Variants in HECTD2 observed in about 807,000 individuals in gnomAD.
HECTD2 encodes probable E3 ubiquitin-protein ligase HECTD2.
Under a neutral mutation model 103.2 loss-of-function variants are expected in HECTD2, and 35 were observed. That is an observed-to-expected ratio of 0.34 (90% CI 0.26 to 0.45). The LOEUF (loss-of-function observed/expected upper bound fraction) is 0.45, where lower values mean the gene tolerates loss of function less well. HECTD2 is among the 20% of genes least tolerant of loss of function. The pLI is 1.00. For synonymous variants in HECTD2, 281 were observed against 329.9 expected (o/e 0.85, Z 1.61); for missense variants, 596 against 937.4 (o/e 0.64, Z 4.76).
At chr10:91,491,113 T>C (rs1846462254) in intron 11 of HECTD2, 87 bp from the exon 12 acceptor site, 1 of 629,922 alleles carries the variant, frequency 1.6e-6, no homozygotes, top group Non-Finnish European at 2.8e-6. Flanking sequence ...TAGATAATAA[T>C]TGTTATTTTT....
Position 91,487,779 on chromosome 10 carries a change from G to A in HECTD2, c.1191+1G>A. 1 of 1,558,874 alleles carries A rather than the reference G, an allele frequency of 6.4e-7. No individual in the cohort carries two copies. Among genetic ancestry groups the A allele is most frequent in the Non-Finnish European group, 8.8e-7 (1 of 1,134,042 alleles). On this transcript the variant is annotated splice_donor_variant, in intron 11 of 20. Coordinates refer to ENST00000298068, the MANE Select transcript of HECTD2 (RefSeq NM_182765.6). LOFTEE classifies it high-confidence loss of function. The surrounding 1 kb of genome is among the most constrained non-coding windows in gnomAD (Gnocchi z 4.1). ...GCAACAGATGATAAACATCGCAAGG[G>A]TAAGTCAGCTATAAAAACATATTTA...
chr10:91,437,650 T>G (rs1844184193), intron 2 of HECTD2, among the ~76,000 whole-genome samples: 1 of 151,186 alleles, frequency 6.6e-6, no homozygotes, highest in South Asian at 2.1e-4. Context: ...GTTGTTTTGT[T>G]TTTTTTGTTG....
At chr10:91,441,898 T>C (rs1312691882) in intron 2 of HECTD2, among the ~76,000 whole-genome samples, 1 of 135,856 alleles carries the variant, frequency 7.4e-6, no homozygotes, top group African/African-American at 3.4e-5. Context: ...TTTTTTTTTT[T>C]TTTTTTTTTC....
At chr10:91,455,311 C>T (rs1475621371) in intron 2 of HECTD2, among the ~76,000 whole-genome samples, 1 of 152,174 alleles carries the variant, frequency 6.6e-6, no homozygotes, top group Non-Finnish European at 1.5e-5. Context: ...TTGCATTTCT[C>T]TGATGGCCAA....
chr10:91,473,936 AG>A, intron 5 of HECTD2, among the ~76,000 whole-genome samples: 1 of 152,238 alleles, frequency 6.6e-6, no homozygotes, highest in East Asian at 1.9e-4. Flanking sequence ...ATGTTGTTCA[AG>A]GGTCAACTGT....
intron 5 of HECTD2, among the ~76,000 whole-genome samples, chr10:91,467,019 A>T (rs1845553965): frequency 1.3e-5 from 2 of 151,938 alleles, no homozygotes; most frequent in South Asian, 4.2e-4. Flanking sequence ...CTCCAAGCAG[A>T]TCTTCAGAGG....
At chr10:91,409,883 C>G (rs185061189), upstream of HECTD2, among the ~76,000 whole-genome samples, 439 of 152,282 alleles carry the variant, frequency 2.9e-3, 3 homozygotes, top group African/African-American at 0.01. Context: ...CCGCGGGACT[C>G]GGCGCCGCAG....
At chr10:91,491,581 GT>G (rs1480561750) in intron 12 of HECTD2, among the ~76,000 whole-genome samples, 8 of 152,088 alleles carry the variant, frequency 5.3e-5, no homozygotes, top group African/African-American at 1.9e-4. Context: ...ACTTAAATGA[GT>G]AATTCATGTT....
At chr10:91,431,489 C>G (rs1440938854) in intron 2 of HECTD2, among the ~76,000 whole-genome samples, 2 of 152,110 alleles carry the variant, frequency 1.3e-5, no homozygotes, top group East Asian at 1.9e-4. Flanking sequence ...CAACTTGGTT[C>G]CATTCTCCCC....
intron 2 of HECTD2, among the ~76,000 whole-genome samples, chr10:91,449,401 A>T (rs1002148402): frequency 6.6e-6 from 1 of 152,180 alleles, no homozygotes; most frequent in African/African-American, 2.4e-5. Flanking sequence ...TTCTCAAAAT[A>T]ATAAGAACTA....
intron 2 of HECTD2, among the ~76,000 whole-genome samples, chr10:91,431,363 G>A (rs1843859162): frequency 1.3e-5 from 2 of 152,038 alleles, no homozygotes; most frequent in South Asian, 4.1e-4. Context: ...GTGTTTTGGA[G>A]TTGCTCTTCT....
intron 1 of HECTD2, among the ~76,000 whole-genome samples, chr10:91,413,652 T>C (rs1351517368): frequency 6.6e-6 from 1 of 152,220 alleles, no homozygotes; most frequent in African/African-American, 2.4e-5. Context: ...GGTGTAGGAA[T>C]CTGTATTTTT....
At position 91,410,471 on chromosome 10, in the gene HECTD2, C is replaced by G. The variant is rs1284306785; in HGVS notation, c.33C>G (p.Ala11=). The G allele has an allele frequency of 4.8e-6, 7 of 1,463,856 alleles. No individual in the cohort carries two copies. The highest frequency in any genetic ancestry group is 6.3e-6 in the Non-Finnish European group (7 of 1,112,160). The allele number at this position is 1,463,856 out of a possible 1,614,324, so 90.7% of individuals were successfully genotyped here. Residue 11 remains alanine, a synonymous_variant, in exon 1 of 21, where the codon GCC becomes GCG. Transcript: ENST00000298068. MSEAVRVPSP[A]TPLVVAAPAP... is the part of the protein sequence containing the mutation. Reference sequence around the variant, plus strand: ...AGGCGGTTCGGGTACCCTCGCCCGCCACTCCGCTGGTGGTGGCGGCGCCCG... The same window carrying G: ...AGGCGGTTCGGGTACCCTCGCCCGCGACTCCGCTGGTGGTGGCGGCGCCCG...
intron 2 of HECTD2, among the ~76,000 whole-genome samples, chr10:91,459,363 T>C (rs1195934551): frequency 6.6e-6 from 1 of 152,052 alleles, no homozygotes; most frequent in African/African-American, 2.4e-5. Flanking sequence ...AGGAATTATT[T>C]TACCCAATAA....
chr10:91,502,783 T>C (rs1164691852), intron 20 of HECTD2, among the ~76,000 whole-genome samples: 1 of 152,178 alleles, frequency 6.6e-6, no homozygotes, highest in Non-Finnish European at 1.5e-5. Context: ...GAGCAATCTG[T>C]TTTAATACAA....
rs939818366 is a variant in HECTD2 at position 91,449,061 on chromosome 10, G to A, written c.269-11366G>A. The stretch of plus-strand genomic sequence containing the variant: ...CATCATCCTGATACCAAAACCTGGC[G>A]GAGACACAACAAAAAAAGAAAATTT... On this transcript the variant is annotated intron_variant, in intron 2 of 20. Transcript: ENST00000298068. Among the ~76,000 whole-genome samples, 9 of 147,702 alleles carry A rather than the reference G, an allele frequency of 6.1e-5. 1 individual carries two copies. Among genetic ancestry groups the A allele is most frequent in the African/African-American group, 1.3e-4 (5 of 39,764 alleles).
chr10:91,451,916 T>C (rs1182997470), intron 2 of HECTD2, among the ~76,000 whole-genome samples: 1 of 152,132 alleles, frequency 6.6e-6, no homozygotes, highest in Non-Finnish European at 1.5e-5. Flanking sequence ...TATGTATATT[T>C]CATTATTATA....
At chr10:91,512,148 T>C (rs1158960564) in intron 20 of HECTD2, 116 bp from the exon 21 acceptor site, 1 of 1,130,050 alleles carries the variant, frequency 8.8e-7, no homozygotes, top group Non-Finnish European at 1.3e-6. Flanking sequence ...ATGAGTCATC[T>C]CTTAACAGAG....
intron 5 of HECTD2, among the ~76,000 whole-genome samples, chr10:91,477,159 G>T (rs1012089940): frequency 7.0e-6 from 1 of 143,818 alleles, no homozygotes; most frequent in African/African-American, 2.6e-5. Context: ...ACGCAGTCTG[G>T]CCTGGATGAC....
Sources: allele counts gnomAD v4.1 joint callset (sites outside exome capture counted in the v4.1 genomes callset), GRCh38; gene constraint gnomAD v4.1.1; non-coding constraint Gnocchi (gnomAD v3.1); transcripts MANE v1.5; gene names NCBI Gene and HGNC (gene_info 2026-07-23, HGNC 2026-07-21).